Variants in COL21A1 observed in about 807,000 individuals in gnomAD.
The protein encoded by COL21A1 is collagen alpha-1(XXI) chain.
In COL21A1, 149 loss-of-function variants were observed where a neutral mutation model predicts 137.9. The observed-to-expected ratio is 1.08, with a 90% CI of 0.95 to 1.24. The LOEUF (loss-of-function observed/expected upper bound fraction) is 1.24. Ranked by LOEUF, COL21A1 falls within the 50% of genes most tolerant of loss-of-function variation. The pLI is 0.00. For synonymous variants in COL21A1, 456 were observed against 391.5 expected (o/e 1.16, Z -1.95); for missense variants, 1,167 against 1,158.4 (o/e 1.01, Z -0.11).
At chr6:56,153,589 T>G (rs1775494151) in intron 10 of COL21A1, among the ~76,000 whole-genome samples, 1 of 152,186 alleles carries the variant, frequency 6.6e-6, no homozygotes, top group South Asian at 2.1e-4. Flanking sequence ...TTCACCATTT[T>G]TCTTATCTCC....
intron 18 of COL21A1, 77 bp from the exon 19 acceptor site, chr6:56,075,609 A>T: frequency 9.6e-7 from 1 of 1,043,932 alleles, no homozygotes; most frequent in Non-Finnish European, 1.4e-6. Context: ...GCCAAAGCAC[A>T]ATGGAATGAC....
At chr6:56,113,120 C>A (rs1771598223) in intron 16 of COL21A1, among the ~76,000 whole-genome samples, 1 of 152,190 alleles carries the variant, frequency 6.6e-6, no homozygotes, top group African/African-American at 2.4e-5. Context: ...GAGCCTAGGC[C>A]ATAATGTCTG....
At chr6:56,095,714 C>G (rs1034626960) in intron 17 of COL21A1, among the ~76,000 whole-genome samples, 3 of 152,166 alleles carry the variant, frequency 2.0e-5, no homozygotes, top group Non-Finnish European at 4.4e-5. Context: ...TCCTGCCTTG[C>G]CAGGCCAAAC....
At chr6:56,250,439 G>T (rs1782830127), upstream of COL21A1, among the ~76,000 whole-genome samples, 2 of 152,196 alleles carry the variant, frequency 1.3e-5, no homozygotes, top group South Asian at 2.1e-4. Context: ...GAGGTCACAT[G>T]GTAAGGAACA....
At chr6:56,062,861 T>C (rs1765930805) in intron 24 of COL21A1, among the ~76,000 whole-genome samples, 1 of 152,120 alleles carries the variant, frequency 6.6e-6, no homozygotes, top group African/African-American at 2.4e-5. Flanking sequence ...AAGTTCTCAA[T>C]ATGGGAATTG....
chr6:56,311,878 A>C (rs2152339650), intron 1 of COL21A1, among the ~76,000 whole-genome samples: 1 of 152,312 alleles, frequency 6.6e-6, no homozygotes, highest in African/African-American at 2.4e-5. Context: ...CACTTATCCT[A>C]ATGCAATATT....
At chr6:56,356,261 T>C (rs533195186) in intron 1 of COL21A1, among the ~76,000 whole-genome samples, 1 of 152,248 alleles carries the variant, frequency 6.6e-6, no homozygotes, top group East Asian at 1.9e-4. Flanking sequence ...GCTGAAGTAC[T>C]ATAAGGGGCT....
At chr6:56,219,497 G>A (rs976717378) in intron 1 of COL21A1, among the ~76,000 whole-genome samples, 23 of 152,028 alleles carry the variant, frequency 1.5e-4, no homozygotes, top group African/African-American at 4.8e-4. Flanking sequence ...TGCTTCATTC[G>A]CCTTATTCAC....
At chr6:56,124,004 TTCCTC>T in intron 16 of COL21A1, 53 bp downstream of exon 16, 2 of 1,377,596 alleles carry the variant, frequency 1.5e-6, no homozygotes, top group South Asian at 2.9e-5. Flanking sequence ...TTTCTTATGT[TTCCTC>T]TCAAGATACA....
At chr6:56,076,068 G>A (rs139554578) in intron 18 of COL21A1, among the ~76,000 whole-genome samples, 53 of 151,480 alleles carry the variant, frequency 3.5e-4, no homozygotes, top group African/African-American at 1.2e-3. Context: ...CTTTGAGTTG[G>A]GGCTATAATT....
Position 56,057,732 on chromosome 6 carries a change from T to TG in COL21A1, c.2798dup (p.Gly934ArgfsTer10). The TG allele has an allele frequency of 1.2e-6, 2 of 1,612,888 alleles. No homozygotes were observed. The highest frequency in any genetic ancestry group is 1.1e-5 in the South Asian group (1 of 90,976). On this transcript the variant is annotated frameshift_variant, in exon 30 of 30. Coordinates refer to ENST00000244728, the MANE Select transcript of COL21A1 (RefSeq NM_030820.4). LOFTEE classifies it high-confidence loss of function. ...AACATAGTGATGGGTCGCAGATGCC[T>TG]GGGGGGCCTGGTTGCCCTTGGATTC...
chr6:56,168,126 G>T lies in COL21A1; in HGVS notation c.1198C>A (p.Gln400Lys). 1.3e-6 allele frequency: 2 copies of T among 1,506,370 alleles called. No individual in the cohort carries two copies. The highest frequency in any genetic ancestry group is 1.4e-5 in the African/African-American group (1 of 72,108). 93.3% of individuals were successfully genotyped at this position (1,506,370 alleles called of 1,614,324 possible). A position where few individuals can be genotyped will look rare whatever the true frequency, so the allele number is the denominator to read the frequency against. The part of the protein sequence containing the change: ...GKYSGKEETV[Q>K]FDVQKLRIYC... ...AGAGTAAATCATTATTTATCTACCT[G>T]AACAGTTTCTTCTTTTCCAGAATAT... The change falls in exon 6 of 30, where the codon CAG becomes AAG. Residue 400 changes from glutamine to lysine, a missense_variant and splice_region_variant. Gln to Lys is a moderately conservative substitution (Grantham distance 53, BLOSUM62 1). Transcript: ENST00000244728.
Position 56,145,270 on chromosome 6 carries a change from C to T in COL21A1, c.1435-3287G>A, listed in dbSNP as rs1210505892. Among the ~76,000 whole-genome samples, 6 of 152,112 alleles carry T rather than the reference C, an allele frequency of 3.9e-5. No homozygotes were observed. In the East Asian group the frequency reaches 1.2e-3, roughly 29 times the overall value. ...ATATAGGAATAATAAGTGCTTCTCACAATTTGAGAATGTTGTGATATGTAT... is the reference window on the plus strand; with the variant it reads ...ATATAGGAATAATAAGTGCTTCTCATAATTTGAGAATGTTGTGATATGTAT... On this transcript the variant is annotated intron_variant, in intron 10 of 29. Coordinates refer to ENST00000244728, the MANE Select transcript of COL21A1 (RefSeq NM_030820.4).
chr6:56,318,128 A>G (rs971645712), intron 1 of COL21A1, among the ~76,000 whole-genome samples: 4 of 152,148 alleles, frequency 2.6e-5, no homozygotes, highest in Non-Finnish European at 4.4e-5. Context: ...AATAGCCAAG[A>G]CAGATTTTAA....
chr6:56,388,788 A>G (rs1470676699), intron 1 of COL21A1, among the ~76,000 whole-genome samples: 1 of 152,246 alleles, frequency 6.6e-6, no homozygotes, highest in Non-Finnish European at 1.5e-5. Context: ...AAAACAAACT[A>G]AATAAGGCAC....
chr6:56,323,438 G>C (rs1764923517), intron 1 of COL21A1, among the ~76,000 whole-genome samples: 1 of 152,180 alleles, frequency 6.6e-6, no homozygotes, highest in Non-Finnish European at 1.5e-5. Context: ...TACCCAGGCT[G>C]GAGTGCAATG....
intron 1 of COL21A1, among the ~76,000 whole-genome samples, chr6:56,348,335 C>T (rs919283265): frequency 1.3e-5 from 2 of 152,034 alleles, no homozygotes; most frequent in Admixed American, 1.3e-4. Flanking sequence ...TATGTGGGGA[C>T]CAACTCAGGG....
At chr6:56,280,867 G>A (rs558398790) in intron 1 of COL21A1, among the ~76,000 whole-genome samples, 8 of 152,034 alleles carry the variant, frequency 5.3e-5, no homozygotes, top group Admixed American at 1.3e-4. Flanking sequence ...ACACACACAC[G>A]CAAAATAGCT....
At chr6:56,341,359 T>C (rs1765464726) in intron 1 of COL21A1, among the ~76,000 whole-genome samples, 1 of 152,226 alleles carries the variant, frequency 6.6e-6, no homozygotes, top group South Asian at 2.1e-4. Context: ...GAATAATAAT[T>C]ACATTTGTTG....
Sources: allele counts gnomAD v4.1 joint callset (sites outside exome capture counted in the v4.1 genomes callset), GRCh38; gene constraint gnomAD v4.1.1; transcripts MANE v1.5; gene names NCBI Gene and HGNC (gene_info 2026-07-23, HGNC 2026-07-21).